Variants in NDUFC1 observed in about 807,000 individuals in gnomAD.
The protein encoded by NDUFC1 is NADH:ubiquinone oxidoreductase subunit C1, also known as NADH dehydrogenase [ubiquinone] 1 subunit C1, mitochondrial.
NDUFC1 carries 11 observed loss-of-function variants against 11.6 expected under a neutral mutation model. The ratio of observed to expected loss-of-function variants is 0.95; its 90% CI spans 0.60 to 1.58. The LOEUF is 1.58. NDUFC1 is among the 40% of genes most tolerant of loss of function. NDUFC1 has a pLI of 0.00. For synonymous variants in NDUFC1, 52 were observed against 42.2 expected (o/e 1.23, Z -0.90); for missense variants, 112 against 93.0 (o/e 1.20, Z -0.84).
intron 4 of NDUFC1, 96 bp from the exon 5 acceptor site, chr4:139,292,705 T>C: frequency 1.4e-6 from 1 of 726,182 alleles, no homozygotes; most frequent in Non-Finnish European, 2.1e-6. Flanking sequence ...ACAACTATTC[T>C]AGTTAGAAAT....
chr4:139,293,839 T>C (rs1423303337), intron 4 of NDUFC1, among the ~76,000 whole-genome samples: 1 of 152,084 alleles, frequency 6.6e-6, no homozygotes, highest in African/African-American at 2.4e-5. Flanking sequence ...CTCCAAGTGT[T>C]TCTTATCTGT....
intron 5 of NDUFC1, among the ~76,000 whole-genome samples, chr4:139,291,140 T>C (rs1009210104): frequency 6.7e-6 from 1 of 150,374 alleles, no homozygotes. Context: ...TATATATATA[T>C]AATAAACTTT....
intron 1 of NDUFC1, chr4:139,301,093 CCT>C (rs1745699362): frequency 6.5e-6 from 1 of 154,884 alleles, no homozygotes; most frequent in Admixed American, 6.5e-5. Context: ...TTCCACTCCG[CCT>C]CTGCTCCTTA....
intron 1 of NDUFC1, chr4:139,302,111 C>A (rs1264463797): frequency 5.4e-6 from 2 of 371,748 alleles, no homozygotes; most frequent in South Asian, 8.3e-5. Context: ...TTCTCATTCT[C>A]CCCGATCTGG....
chr4:139,295,748 G>T lies in NDUFC1; in HGVS notation c.51C>A (p.Ala17=). Residue 17 remains alanine, a synonymous_variant, in exon 3 of 6, where the codon GCC becomes GCA. Coordinates refer to ENST00000394223, the MANE Select transcript of NDUFC1 (RefSeq NM_001184989.2). ...GATACTCACGGCCGCTCGGGAGCCT[G>T]GCGGGGGCCAGCAGCCGGGAAAGGG... The part of the protein sequence containing the change: ...LRPLSRLLAP[A]RLPSGPSVRS... 1 of 1,549,948 alleles carries T rather than the reference G, an allele frequency of 6.5e-7. No individual in the cohort carries two copies. The highest frequency in any genetic ancestry group is 8.7e-7 in the Non-Finnish European group (1 of 1,148,504).
At chr4:139,299,202 T>C (rs996845027) in intron 1 of NDUFC1, among the ~76,000 whole-genome samples, 1 of 151,760 alleles carries the variant, frequency 6.6e-6, no homozygotes, top group African/African-American at 2.4e-5. Context: ...ACTCCTGACC[T>C]TGTGATCCGC....
At chr4:139,299,075 T>C (rs1382134503) in intron 1 of NDUFC1, among the ~76,000 whole-genome samples, 1 of 152,054 alleles carries the variant, frequency 6.6e-6, no homozygotes, top group African/African-American at 2.4e-5. Context: ...GTTCAAGCGA[T>C]TGTCTTGCCT....
intron 1 of NDUFC1, among the ~76,000 whole-genome samples, chr4:139,299,241 T>C (rs1442248104): frequency 6.6e-6 from 1 of 151,942 alleles, no homozygotes; most frequent in African/African-American, 2.4e-5. Flanking sequence ...GTGCTGGGAT[T>C]ACAGGTGTGA....
intron 2 of NDUFC1, 78 bp from the exon 3 acceptor site, chr4:139,296,038 C>T: frequency 2.0e-6 from 1 of 506,754 alleles, no homozygotes; most frequent in Non-Finnish European, 3.4e-6. Flanking sequence ...GGGTTTTTCA[C>T]CCCATCTCTA....
chr4:139,295,454 G>T (rs889603557), intron 3 of NDUFC1, among the ~76,000 whole-genome samples: 12 of 152,178 alleles, frequency 7.9e-5, no homozygotes, highest in African/African-American at 2.9e-4. Flanking sequence ...CCCGGTTTAC[G>T]GGACCTAACG....
chr4:139,301,306 C>G, intron 1 of NDUFC1: 2 of 390,328 alleles, frequency 5.1e-6, no homozygotes, highest in South Asian at 2.0e-4. Context: ...CCTCCCGTAG[C>G]TCCGCGGGCG....
chr4:139,299,935 T>TTTTGGATATGAAGCCAGAAA (rs1426216574), intron 1 of NDUFC1, among the ~76,000 whole-genome samples: 1 of 152,162 alleles, frequency 6.6e-6, no homozygotes, highest in Non-Finnish European at 1.5e-5. Context: ...CTGTAGGGAT[T>TTTTGGATATGAAGCCAGAAA]TTTGGATATG....
Position 139,295,844 on chromosome 4 carries a change from C to A in NDUFC1, c.-46G>T. ...CTCTCCGAGTTGGCAACAGAACCAG[C>A]GCCACCTGGCGGCCGGAAGTGCGGG... On this transcript the variant is annotated 5_prime_UTR_variant, in exon 3 of 6. Coordinates refer to ENST00000394223, the MANE Select transcript of NDUFC1 (RefSeq NM_001184989.2). The A allele has an allele frequency of 6.5e-7, 1 of 1,530,002 alleles. No individual in the cohort carries two copies. Among genetic ancestry groups the A allele is most frequent in the Non-Finnish European group, 8.8e-7 (1 of 1,137,576 alleles). 94.8% of individuals were successfully genotyped at this position (1,530,002 alleles called of 1,614,324 possible). A position where few individuals can be genotyped will look rare whatever the true frequency, so the allele number is the denominator to read the frequency against.
At chr4:139,301,023 T>TA (rs1745696181) in intron 1 of NDUFC1, 1 of 152,430 alleles carries the variant, frequency 6.6e-6, no homozygotes, top group African/African-American at 2.4e-5. Context: ...CAGACTCTGT[T>TA]AAGCCCCTTT....
chr4:139,293,264 C>G (rs117018917), intron 4 of NDUFC1, among the ~76,000 whole-genome samples: 1 of 152,164 alleles, frequency 6.6e-6, no homozygotes, highest in African/African-American at 2.4e-5. Flanking sequence ...TTGGTGGGTG[C>G]GTGTTATGCT....
intron 1 of NDUFC1, chr4:139,301,127 T>C (rs1222740707): frequency 6.2e-6 from 1 of 161,658 alleles, no homozygotes; most frequent in African/African-American, 2.4e-5. Context: ...TCGTCCATAA[T>C]CAACTACAGC....
chr4:139,291,930 G>A (rs535887321), intron 5 of NDUFC1, among the ~76,000 whole-genome samples: 3 of 151,524 alleles, frequency 2.0e-5, no homozygotes, highest in African/African-American at 4.8e-5. Context: ...TCTGCCTCCC[G>A]GGTTCACGCC....
chr4:139,296,828 T>A (rs1007586752), intron 2 of NDUFC1, among the ~76,000 whole-genome samples: 1 of 152,246 alleles, frequency 6.6e-6, no homozygotes, highest in African/African-American at 2.4e-5. Flanking sequence ...CCTTTAAAAC[T>A]AATCCTTTAA....
At chr4:139,298,676 T>TC (rs1004161638) in intron 1 of NDUFC1, among the ~76,000 whole-genome samples, 16 of 143,806 alleles carry the variant, frequency 1.1e-4, no homozygotes, top group African/African-American at 3.5e-4. Flanking sequence ...TCTTTTATAT[T>TC]CTTTTTTTTT....
Sources: gnomAD v4.1 joint callset for allele counts (sites outside exome capture counted in the v4.1 genomes callset) on GRCh38, gnomAD v4.1.1 for gene constraint, MANE v1.5 for transcripts, NCBI Gene and HGNC (gene_info 2026-07-23, HGNC 2026-07-21) for gene names.